Variants in NLGN4X observed in about 807,000 individuals in gnomAD.
NLGN4X encodes the protein neuroligin 4 X-linked, also known as neuroligin-4, X-linked.
Under a neutral mutation model 40.3 loss-of-function variants are expected in NLGN4X, and 3 were observed. The observed-to-expected ratio is 0.07, with a 90% CI of 0.03 to 0.19. The LOEUF is 0.19. Ranked by LOEUF, NLGN4X falls within the 10% of genes least tolerant of loss-of-function variation. The probability of loss-of-function intolerance (pLI) is 1.00; values close to 1 mark genes in which losing one functional copy is unlikely to be tolerated. For missense variants in NLGN4X, 382 were observed against 708.3 expected (o/e 0.54, Z 5.23); for synonymous variants, 270 against 306.8 (o/e 0.88, Z 1.25).
intron 1 of NLGN4X, among the ~76,000 whole-genome samples, chrX:6,197,639 A>G (rs965467540): frequency 6.5e-4 from 72 of 110,990 alleles, no homozygotes; most frequent in African/African-American, 2.4e-3. Context: ...ATCATTTGTA[A>G]TAATTTACAT....
At chrX:6,174,673 C>G (rs915574157) in intron 1 of NLGN4X, among the ~76,000 whole-genome samples, 2 of 111,931 alleles carry the variant, frequency 1.8e-5, no homozygotes, top group African/African-American at 6.5e-5. Context: ...GGCCATTATC[C>G]TAAGTGAGTC....
intron 2 of NLGN4X, among the ~76,000 whole-genome samples, chrX:6,146,319 A>G (rs995676383): frequency 9.0e-6 from 1 of 111,400 alleles, no homozygotes; most frequent in Non-Finnish European, 1.9e-5. Flanking sequence ...CCCTTCCATC[A>G]CCCATATATT....
At chrX:6,050,573 T>C (rs1266854385) in intron 2 of NLGN4X, among the ~76,000 whole-genome samples, 5 of 104,828 alleles carry the variant, frequency 4.8e-5, no homozygotes, top group Non-Finnish European at 5.9e-5. Context: ...CATCTATGTA[T>C]CTATCTGCCT....
intron 3 of NLGN4X, among the ~76,000 whole-genome samples, chrX:5,945,937 C>A (rs1164281137): frequency 1.8e-5 from 2 of 111,721 alleles, no homozygotes; most frequent in African/African-American, 6.5e-5. Flanking sequence ...AGCACATGGG[C>A]AGAATATTCC....
intron 2 of NLGN4X, among the ~76,000 whole-genome samples, chrX:6,038,471 A>G (rs769788083): frequency 1.8e-5 from 2 of 112,915 alleles, no homozygotes; most frequent in Non-Finnish European, 3.7e-5. Context: ...CACTACCACA[A>G]TGAATTTGAA....
intron 2 of NLGN4X, among the ~76,000 whole-genome samples, chrX:6,086,810 T>A (rs2038508227): frequency 9.0e-6 from 1 of 110,578 alleles, no homozygotes; most frequent in Non-Finnish European, 1.9e-5. Context: ...TTTTTTAAAC[T>A]TTTTGTAGAG....
rs914064163 is a variant in NLGN4X, at chrX:5,961,326, C to A, written c.626-52087G>T. Among the ~76,000 whole-genome samples, 4 of 112,431 alleles carry A rather than the reference C, an allele frequency of 3.6e-5. No individual in the cohort carries two copies. In the East Asian group the frequency reaches 8.4e-4, roughly 24 times the overall value. The stretch of plus-strand genomic sequence containing the variant: ...GGCAGTGAAAAGATTTTGAAGCTCT[C>A]AGAAGAAATCTATTGACACTCCATT... On this transcript the variant is annotated intron_variant, in intron 3 of 5. Transcript: ENST00000381095.
chrX:6,093,723 T>C (rs903809016), intron 2 of NLGN4X, among the ~76,000 whole-genome samples: 1 of 111,419 alleles, frequency 9.0e-6, no homozygotes, highest in Non-Finnish European at 1.9e-5. Context: ...TTCTCAGCAA[T>C]AGCCAACCCA....
chrX:5,991,096 C>T (rs940765382), intron 3 of NLGN4X, among the ~76,000 whole-genome samples: 3 of 111,907 alleles, frequency 2.7e-5, no homozygotes, highest in Admixed American at 9.5e-5. Context: ...CAAGGACACA[C>T]GCACAATAGG....
chrX:5,967,879 C>G lies in NLGN4X; in HGVS notation c.626-58640G>C, dbSNP rs774937393. ...TCACCCTGCAGGTAGTGTGCAGTCC[C>G]TCCCCCATCATGGACTATAAACCTT... On this transcript the variant is annotated intron_variant, in intron 3 of 5. Coordinates refer to ENST00000381095, the MANE Select transcript of NLGN4X (RefSeq NM_181332.3). Among the ~76,000 whole-genome samples, 220 of 111,339 alleles carry G rather than the reference C, an allele frequency of 2.0e-3. 1 individual carries two copies. Among genetic ancestry groups the G allele is most frequent in the African/African-American group, 6.3e-3 (192 of 30,629 alleles).
chrX:6,220,163 C>A (rs994698385), intron 1 of NLGN4X, among the ~76,000 whole-genome samples: 1 of 111,403 alleles, frequency 9.0e-6, no homozygotes. Context: ...TCTAAAATAT[C>A]TGGTAACATC....
At chrX:6,046,057 A>C (rs753627662) in intron 2 of NLGN4X, among the ~76,000 whole-genome samples, 11 of 112,059 alleles carry the variant, frequency 9.8e-5, no homozygotes, top group Non-Finnish European at 2.1e-4. Context: ...AATATATTTG[A>C]AAAAATTCTT....
In NLGN4X at chrX:6,167,516, G is replaced by A. The variant is rs140623074; in HGVS notation, c.-305-15745C>T. Among the ~76,000 whole-genome samples, 4 of 112,271 alleles carry A rather than the reference G, an allele frequency of 3.6e-5. 1 individual carries two copies. The highest frequency in any genetic ancestry group is 1.3e-4 in the African/African-American group (4 of 30,962). Reference sequence around the variant, plus strand: ...AAACACATAGAAAACCACAGTCCAAGTAAGTTTTCATCTGAATTCCCACAA... The same window carrying A: ...AAACACATAGAAAACCACAGTCCAAATAAGTTTTCATCTGAATTCCCACAA... On this transcript the variant is annotated intron_variant, in intron 1 of 5. Coordinates refer to ENST00000381095, the MANE Select transcript of NLGN4X (RefSeq NM_181332.3).
chrX:6,200,687 CTT>C (rs767226691), intron 1 of NLGN4X, among the ~76,000 whole-genome samples: 1 of 55,574 alleles, frequency 1.8e-5, no homozygotes. Context: ...CTTTCCTTTT[CTT>C]TTTTTTTTTT....
intron 5 of NLGN4X, among the ~76,000 whole-genome samples, 197 bp from the exon 6 acceptor site, chrX:5,893,863 T>G (rs1374345030): frequency 1.8e-5 from 2 of 112,362 alleles, no homozygotes; most frequent in Non-Finnish European, 3.7e-5. Flanking sequence ...CCTTTAAAAA[T>G]TGCTCTTATT....
chrX:5,998,636 A>T (rs762464482), intron 3 of NLGN4X, among the ~76,000 whole-genome samples: 1 of 111,993 alleles, frequency 8.9e-6, no homozygotes, highest in East Asian at 2.8e-4. Flanking sequence ...TGACTCAGAC[A>T]TACAACCAAG....
At chrX:6,115,296 C>T (rs1401810010) in intron 2 of NLGN4X, among the ~76,000 whole-genome samples, 1 of 111,348 alleles carries the variant, frequency 9.0e-6, no homozygotes, top group East Asian at 2.8e-4. Flanking sequence ...CACGGTGGCA[C>T]ATATCAGAAC....
intron 3 of NLGN4X, among the ~76,000 whole-genome samples, chrX:5,997,340 T>C (rs1374144881): frequency 9.4e-6 from 1 of 106,930 alleles, no homozygotes; most frequent in Non-Finnish European, 1.9e-5. Flanking sequence ...TCATATGTAT[T>C]GATATTCTCC....
At chrX:6,116,407 T>C (rs2039299288) in intron 2 of NLGN4X, among the ~76,000 whole-genome samples, 1 of 30,026 alleles carries the variant, frequency 3.3e-5, no homozygotes, top group Non-Finnish European at 5.6e-5. Context: ...TTTTTTTTTT[T>C]TTTTTTTTTT....
Sources: allele counts gnomAD v4.1 joint callset (sites outside exome capture counted in the v4.1 genomes callset), GRCh38; gene constraint gnomAD v4.1.1; transcripts MANE v1.5; gene names NCBI Gene and HGNC (gene_info 2026-07-23, HGNC 2026-07-21).